Variants in ZNF284 observed in about 807,000 individuals in gnomAD.
ZNF284 encodes zinc finger protein 284.
A neutral mutation model predicts 12.9 loss-of-function variants in ZNF284; 12 were observed. The observed-to-expected ratio is 0.93, with a 90% confidence interval of 0.60 to 1.51. ZNF284 has a LOEUF of 1.51. Among genes scored for constraint, ZNF284 ranks in the 40% most tolerant of loss-of-function variants. The probability of loss-of-function intolerance (pLI) is 0.00; values close to 1 mark genes in which losing one functional copy is unlikely to be tolerated. For synonymous variants in ZNF284, 225 were observed against 236.5 expected, an observed-to-expected ratio of 0.95 and a Z score of 0.45; for missense variants, 667 against 707.3, an observed-to-expected ratio of 0.94 and a Z score of 0.65.
chr19:44,081,745 A>G (rs1967130044), intron 3 of ZNF284, among the ~76,000 whole-genome samples: 1 of 151,894 alleles, frequency 6.6e-6, no homozygotes. Context: ...AAAACAAAAA[A>G]CATAAATAAA....
intron 2 of ZNF284, 106 bp downstream of exon 2, chr19:44,076,510 TG>T (rs2147494764): frequency 8.1e-7 from 1 of 1,232,026 alleles, no homozygotes; most frequent in East Asian, 2.5e-5. Flanking sequence ...AACAGTTATT[TG>T]TGCACCTGTT....
At chr19:44,084,548 C>CTAGA (rs1311153888) in intron 4 of ZNF284, among the ~76,000 whole-genome samples, 18 of 152,128 alleles carry the variant, frequency 1.2e-4, no homozygotes, top group African/African-American at 4.1e-4. Context: ...GGCAGCAGCC[C>CTAGA]CAGACAGGCA....
intron 2 of ZNF284, among the ~76,000 whole-genome samples, chr19:44,080,092 G>C (rs940131988): frequency 2.6e-5 from 4 of 152,174 alleles, no homozygotes; most frequent in Non-Finnish European, 4.4e-5. Context: ...ACTTATCCAA[G>C]GTCACGTGGC....
intron 4 of ZNF284, among the ~76,000 whole-genome samples, chr19:44,082,944 C>G (rs1378652654): frequency 2.0e-5 from 3 of 152,142 alleles, no homozygotes; most frequent in Non-Finnish European, 4.4e-5. Context: ...ATAACAGGTT[C>G]ATAGGTCCTG....
chr19:44,080,864 A>G, intron 2 of ZNF284, 151 bp from the exon 3 acceptor site: 1 of 1,050,332 alleles, frequency 9.5e-7, no homozygotes, highest in Non-Finnish European at 1.3e-6. Flanking sequence ...TTGCGAGGAT[A>G]CAGACAGAAT....
chr19:44,085,665 T>C (rs1358217192), intron 4 of ZNF284, 49 bp from the exon 5 acceptor site: 24 of 1,480,618 alleles, frequency 1.6e-5, no homozygotes, highest in Non-Finnish European at 2.1e-5. Context: ...CTGAAAACAC[T>C]GAACAAAGGT....
In ZNF284 at chr19:44,086,791, G is replaced by C. The variant is rs372590889; in HGVS notation, c.1313G>C (p.Ser438Thr). ...CAGAAGTGTGGGAAGGGCTACATTA[G>C]TAAGTTTAATCTTGACTTGCACCAG... Reference protein sequence around the residue: ...KCQKCGKGYISKFNLDLHQRV... With the variant: ...KCQKCGKGYITKFNLDLHQRV... Residue 438 changes from serine to threonine, a missense_variant, in exon 5 of 5, where the codon AGT becomes ACT. Ser to Thr is a moderately conservative substitution (Grantham distance 58, BLOSUM62 1). Coordinates refer to ENST00000421176, the MANE Select transcript of ZNF284 (RefSeq NM_001037813.4). 8.9e-5 allele frequency: 144 copies of C among 1,614,030 alleles called. No individual in the cohort carries two copies. The Middle Eastern group carries it at 1.5e-3, about 17-fold the overall frequency.
At chr19:44,081,951 C>G in intron 3 of ZNF284, 62 bp from the exon 4 acceptor site, 7 of 1,408,312 alleles carry the variant, frequency 5.0e-6, no homozygotes, top group Non-Finnish European at 5.0e-6. Flanking sequence ...CAGTGAGAAC[C>G]TAAATTTCTA....
Position 44,086,111 on chromosome 19 carries a change from A to AT in ZNF284, c.636dup (p.Ser213Ter), listed in dbSNP as rs1037282599. 6.2e-7 allele frequency: 1 copy of AT among 1,614,124 alleles called. No homozygotes were observed. Among genetic ancestry groups the AT allele is most frequent in the Non-Finnish European group, 8.5e-7 (1 of 1,180,052 alleles). On this transcript the variant is annotated frameshift_variant, in exon 5 of 5. Transcript: ENST00000421176. LOFTEE classifies it low-confidence loss of function (END_TRUNC). ...ATAAGTGTGATGTGTGTAGTAAGGC[A>AT]TTTAGTCAGAACTCACAACTGCAAA... is the stretch of plus-strand genomic sequence containing the variant.
At chr19:44,085,609 C>G in intron 4 of ZNF284, 105 bp from the exon 5 acceptor site, 1 of 1,050,244 alleles carries the variant, frequency 9.5e-7, no homozygotes. Flanking sequence ...CAAACTGTAC[C>G]TTCCTTGTAT....
Position 44,086,612 on chromosome 19 carries a change from G to A in ZNF284, c.1134G>A (p.Lys378=). 1 of 1,614,216 alleles carries A rather than the reference G, an allele frequency of 6.2e-7. No homozygotes were observed. Among genetic ancestry groups the A allele is most frequent in the Non-Finnish European group, 8.5e-7 (1 of 1,180,034 alleles). The change falls in exon 5 of 5, where the codon AAG becomes AAA. Residue 378 remains lysine, a synonymous_variant. Transcript: ENST00000421176. ...DKPYNCNVCG[K]GFRWSSCLSR... The stretch of plus-strand genomic sequence containing the variant: ...CATATAATTGTAATGTATGTGGGAA[G>A]GGCTTCAGGTGGTCCTCATGTCTTT...
Position 44,087,063 on chromosome 19 carries a change from C to A in ZNF284, c.1585C>A (p.His529Asn). 6.2e-7 allele frequency: 1 copy of A among 1,613,978 alleles called. No homozygotes were observed. The highest frequency in any genetic ancestry group is 1.1e-5 in the South Asian group (1 of 91,064). ...GFRWASTHLTHQRLHSREKLF... is the reference protein window; with the variant it reads ...GFRWASTHLTNQRLHSREKLF... ...CAGATGGGCCTCAACTCATCTAACC[C>A]ATCAAAGACTCCACAGCAGAGAAAA... is the stretch of plus-strand genomic sequence containing the variant. The change falls in exon 5 of 5, where the codon CAT becomes AAT. Residue 529 changes from histidine (H) to asparagine (N), a missense_variant. Transcript: ENST00000421176.
chr19:44,081,859 CAT>C (rs1238024891), intron 3 of ZNF284, among the ~76,000 whole-genome samples, 152 bp from the exon 4 acceptor site: 2 of 152,110 alleles, frequency 1.3e-5, no homozygotes, highest in Non-Finnish European at 2.9e-5. Flanking sequence ...CCTCTTATGA[CAT>C]GTGGGGATTA....
chr19:44,083,923 A>G (rs746490381), intron 4 of ZNF284, among the ~76,000 whole-genome samples: 5 of 152,114 alleles, frequency 3.3e-5, no homozygotes, highest in Non-Finnish European at 7.4e-5. Context: ...TAGGAGGAGT[A>G]TACAGATGCC....
rs780383664 is a variant in ZNF284, at chr19:44,086,956, C to T, written c.1478C>T (p.Thr493Ile). The T allele has an allele frequency of 1.2e-6, 2 of 1,614,114 alleles. No homozygotes were observed. The highest frequency in any genetic ancestry group is 2.7e-5 in the African/African-American group (2 of 75,020). The change falls in exon 5 of 5, where the codon ACT (threonine) becomes ATT (isoleucine). Residue 493 changes from threonine to isoleucine, a missense_variant. Thr to Ile is a moderately conservative substitution (Grantham distance 89, BLOSUM62 -1). Coordinates refer to ENST00000421176, the MANE Select transcript of ZNF284 (RefSeq NM_001037813.4). Reference protein sequence around the residue: ...FKCEECGKRFTENSKLRFHQR... With the variant: ...FKCEECGKRFIENSKLRFHQR... ...TGTGAAGAGTGTGGGAAGAGGTTTA[C>T]TGAGAATTCAAAACTTCGTTTCCAT...
chr19:44,085,852 C>T lies in ZNF284; in HGVS notation c.374C>T (p.Thr125Ile), dbSNP rs1334017155. ...TCCATAAGTAGCTCTCAGTTCTCCA[C>T]ACAAGGTGATGTCCCCTCCCAGGTT... is the stretch of plus-strand genomic sequence containing the variant. ...QDSISSSQFS[T>I]QGDVPSQVDA... Residue 125 changes from threonine to isoleucine, a missense_variant, in exon 5 of 5, where the codon ACA becomes ATA. Coordinates refer to ENST00000421176, the MANE Select transcript of ZNF284 (RefSeq NM_001037813.4). 1 of 1,604,294 alleles carries T rather than the reference C, an allele frequency of 6.2e-7. No individual in the cohort carries two copies. Among genetic ancestry groups the T allele is most frequent in the Non-Finnish European group, 8.5e-7 (1 of 1,171,542 alleles).
intron 4 of ZNF284, among the ~76,000 whole-genome samples, chr19:44,084,814 T>A (rs1334386531): frequency 6.6e-6 from 1 of 152,042 alleles, no homozygotes; most frequent in Non-Finnish European, 1.5e-5. Flanking sequence ...TGCAGTCTGG[T>A]GGGGGTGCAG....
Position 44,086,619 on chromosome 19 carries a change from AG to A in ZNF284, c.1143del (p.Arg381SerfsTer30). 1 of 1,614,228 alleles carries A rather than the reference AG, an allele frequency of 6.2e-7. No homozygotes were observed. Among genetic ancestry groups the A allele is most frequent in the Non-Finnish European group, 8.5e-7 (1 of 1,180,036 alleles). Reference protein sequence around the residue: ...YNCNVCGKGFRWSSCLSRHQR... With the variant: ...YNCNVCGKGFXWSSCLSRHQR... ...TTGTAATGTATGTGGGAAGGGCTTCAGGTGGTCCTCATGTCTTTCAAGACAT... is the reference window on the plus strand; with the variant it reads ...TTGTAATGTATGTGGGAAGGGCTTCAGTGGTCCTCATGTCTTTCAAGACAT... On this transcript the variant is annotated frameshift_variant, in exon 5 of 5. Transcript: ENST00000421176. LOFTEE classifies it low-confidence loss of function (END_TRUNC).
At chr19:44,074,530 A>G (rs1418847414) in intron 1 of ZNF284, among the ~76,000 whole-genome samples, 2 of 152,218 alleles carry the variant, frequency 1.3e-5, no homozygotes, top group African/African-American at 4.8e-5. Context: ...AGATACCACC[A>G]GGAACATACC....
Sources: allele counts gnomAD v4.1 joint callset (sites outside exome capture counted in the v4.1 genomes callset), GRCh38; gene constraint gnomAD v4.1.1; transcripts MANE v1.5; gene names NCBI Gene and HGNC (gene_info 2026-07-23, HGNC 2026-07-21).